The following CCR3 variants were observed in gnomAD, a reference collection of about 807,000 sequenced individuals.
CCR3 encodes the protein C-C chemokine receptor type 3.
For missense variants in CCR3, 419 were observed against 437.5 expected (o/e 0.96, Z 0.38); for synonymous variants, 203 against 179.2 (o/e 1.13, Z -1.06).
At position 46,265,612 on chromosome 3, in the gene CCR3, A is replaced by G; in HGVS notation, c.454A>G (p.Ile152Val). 6.2e-7 allele frequency: 1 copy of G among 1,614,112 alleles called. No homozygotes were observed. Among genetic ancestry groups the G allele is most frequent in the Non-Finnish European group, 8.5e-7 (1 of 1,180,000 alleles). The change falls in exon 2 of 2, where the codon ATC becomes GTC. Residue 152 changes from isoleucine to valine, a missense_variant. Physicochemically the swap from Ile to Val is conservative, Grantham distance 29. Coordinates refer to ENST00000395940, the MANE Select transcript of CCR3 (RefSeq NM_178329.3). ...LRARTVTFGV[I>V]TSIVTWGLAV... ...AGCCCGGACTGTCACTTTTGGTGTC[A>G]TCACCAGCATCGTCACCTGGGGCCT...
chr3:46,266,053 GT>G lies in CCR3; in HGVS notation c.896del (p.Val299GlyfsTer95). 6.2e-7 allele frequency: 1 copy of G among 1,614,052 alleles called. No homozygotes were observed. Among genetic ancestry groups the G allele is most frequent in the Non-Finnish European group, 8.5e-7 (1 of 1,180,014 alleles). Reference protein sequence around the residue: ...IAYSHCCMNPVIYAFVGERFR... With the variant: ...IAYSHCCMNPXIYAFVGERFR... ...CTACTCCCACTGCTGCATGAACCCGGTGATCTACGCCTTTGTTGGAGAGAGG... is the reference window on the plus strand; with the variant it reads ...CTACTCCCACTGCTGCATGAACCCGGGATCTACGCCTTTGTTGGAGAGAGG... On this transcript the variant is annotated frameshift_variant, in exon 2 of 2. Transcript: ENST00000395940. LOFTEE classifies it low-confidence loss of function (END_TRUNC).
chr3:46,264,846 G>A (rs1700587566), intron 1 of CCR3: 1 of 408,638 alleles, frequency 2.4e-6, no homozygotes, highest in Non-Finnish European at 4.3e-6. Flanking sequence ...GTTTTTTCCT[G>A]TTTTGTATTT....
chr3:46,235,595 T>G (rs1394348327), intron 2 of CCR3, among the ~76,000 whole-genome samples: 1 of 152,176 alleles, frequency 6.6e-6, no homozygotes, highest in Admixed American at 6.5e-5. Flanking sequence ...TGCAGGTCAG[T>G]GTATAGAGTG....
intron 1 of CCR3, among the ~76,000 whole-genome samples, chr3:46,247,998 A>G (rs983598038): frequency 1.3e-5 from 2 of 152,120 alleles, no homozygotes; most frequent in Non-Finnish European, 2.9e-5. Flanking sequence ...AGTGGCTTGT[A>G]CTATAGCATA....
chr3:46,232,327 A>C (rs1375051862), intron 2 of CCR3, among the ~76,000 whole-genome samples: 1 of 152,172 alleles, frequency 6.6e-6, no homozygotes, highest in Non-Finnish European at 1.5e-5. Flanking sequence ...ACAGGGAAAG[A>C]TTTTGTTGGA....
At chr3:46,232,989 C>T (rs997731893) in intron 2 of CCR3, among the ~76,000 whole-genome samples, 48 of 152,314 alleles carry the variant, frequency 3.2e-4, no homozygotes, top group Middle Eastern at 3.4e-3. Flanking sequence ...CACGCCACCA[C>T]GCCTGGCTAA....
At chr3:46,262,958 A>G (rs1700554753) in intron 1 of CCR3, among the ~76,000 whole-genome samples, 2 of 152,118 alleles carry the variant, frequency 1.3e-5, no homozygotes, top group African/African-American at 4.8e-5. Context: ...CCCTGCCCAT[A>G]TGAGATTTTC....
intron 2 of CCR3, among the ~76,000 whole-genome samples, chr3:46,221,967 A>G (rs1699842261): frequency 6.6e-6 from 1 of 151,192 alleles, no homozygotes; most frequent in Non-Finnish European, 1.5e-5. Flanking sequence ...CTCTCTTGCC[A>G]CTGCTGTCCA....
At chr3:46,258,175 CT>C (rs1251613293) in intron 1 of CCR3, among the ~76,000 whole-genome samples, 1 of 152,216 alleles carries the variant, frequency 6.6e-6, no homozygotes, top group African/African-American at 2.4e-5. Context: ...CTAGTTATTC[CT>C]TTACTCAGTC....
chr3:46,226,704 C>T (rs767054455), intron 2 of CCR3, among the ~76,000 whole-genome samples: 16 of 152,162 alleles, frequency 1.1e-4, no homozygotes, highest in South Asian at 2.1e-4. Context: ...TGAGAGTAGA[C>T]GTCCTTGCTT....
chr3:46,266,305 A>G lies in CCR3; in HGVS notation c.*79A>G, dbSNP rs1395091264. The G allele has an allele frequency of 1.1e-5, 9 of 854,090 alleles. No homozygotes were observed. Among genetic ancestry groups the G allele is most frequent in the Non-Finnish European group, 1.7e-5 (9 of 541,396 alleles). 52.9% of individuals were successfully genotyped at this position (854,090 alleles called of 1,614,324 possible). Reference sequence around the variant, plus strand: ...CATTAAGCCTTCCACACTCACCTCTAAAACAGTCCTTCAAACTTCCAGTGC... The same window carrying G: ...CATTAAGCCTTCCACACTCACCTCTGAAACAGTCCTTCAAACTTCCAGTGC... On this transcript the variant is annotated 3_prime_UTR_variant, in exon 2 of 2. Coordinates refer to ENST00000395940, the MANE Select transcript of CCR3 (RefSeq NM_178329.3).
At chr3:46,243,047 G>A (rs2125927446) in intron 1 of CCR3, among the ~76,000 whole-genome samples, 1 of 111,110 alleles carries the variant, frequency 9.0e-6, no homozygotes, top group South Asian at 3.0e-4. Context: ...TCCTCCCTCA[G>A]TATCTGTGAG....
intron 2 of CCR3, among the ~76,000 whole-genome samples, chr3:46,226,653 T>G (rs1183094841): frequency 6.6e-6 from 1 of 152,130 alleles, no homozygotes; most frequent in Non-Finnish European, 1.5e-5. Flanking sequence ...ATTTTTCTTG[T>G]CTTACTGCAC....
rs71095087 is a variant in CCR3, at chr3:46,243,002, T to TACACACAC, written c.-12+466_-12+467insACACACAC. ...ATACACATATATATATATATATATA[T>TACACACAC]ACGCACACACACATACATTTTTATA... On this transcript the variant is annotated intron_variant, in intron 1 of 1. Transcript: ENST00000395940. Among the ~76,000 whole-genome samples, 5 of 123,726 alleles carry TACACACAC rather than the reference T, an allele frequency of 4.0e-5. 1 individual carries two copies. Among genetic ancestry groups the TACACACAC allele is most frequent in the African/African-American group, 1.6e-4 (5 of 30,676 alleles). The allele number at this position is 123,726 out of a possible 152,430, so 81.2% of individuals were successfully genotyped here. A position where few individuals can be genotyped will look rare whatever the true frequency, so the allele number is the denominator to read the frequency against.
intron 2 of CCR3, among the ~76,000 whole-genome samples, chr3:46,236,432 T>G (rs1700025766): frequency 6.6e-6 from 1 of 152,204 alleles, no homozygotes; most frequent in African/African-American, 2.4e-5. Flanking sequence ...CCAGGACGGC[T>G]CACCTTCCAG....
chr3:46,227,338 C>T (rs1699912668), intron 2 of CCR3, among the ~76,000 whole-genome samples: 1 of 53,794 alleles, frequency 1.9e-5, no homozygotes, highest in African/African-American at 1.6e-4. Flanking sequence ...TAGTAATATC[C>T]CGTTTTATTT....
intron 1 of CCR3, among the ~76,000 whole-genome samples, chr3:46,254,802 C>T (rs1700386450): frequency 6.6e-6 from 1 of 152,164 alleles, no homozygotes; most frequent in Non-Finnish European, 1.5e-5. Context: ...TAGGTTGCTG[C>T]AAATGCCATT....
At chr3:46,242,240 G>T (rs200497778), upstream of CCR3, 5 of 152,248 alleles carry the variant, frequency 3.3e-5, no homozygotes, top group Non-Finnish European at 5.9e-5. Context: ...TCAGGTGACT[G>T]GTTAGTATGT....
chr3:46,247,084 G>A (rs189385411), intron 1 of CCR3, among the ~76,000 whole-genome samples: 1 of 152,132 alleles, frequency 6.6e-6, no homozygotes, highest in South Asian at 2.1e-4. Context: ...ATTAGAGAGT[G>A]CCTAAGGAGA....
Sources: gnomAD v4.1 joint callset for allele counts (sites outside exome capture counted in the v4.1 genomes callset) on GRCh38, gnomAD v4.1.1 for gene constraint, MANE v1.5 for transcripts, NCBI Gene and HGNC (gene_info 2026-07-23, HGNC 2026-07-21) for gene names.